Variants in PLXNC1 observed in about 807,000 individuals in gnomAD.
The protein encoded by PLXNC1 is plexin-C1.
In PLXNC1, 75 loss-of-function variants were observed where a neutral mutation model predicts 178.2. The observed-to-expected ratio is 0.42, with a 90% CI of 0.35 to 0.51. The LOEUF is 0.51. Among genes scored for constraint, PLXNC1 ranks in the 20% least tolerant of loss-of-function variants. The probability of loss-of-function intolerance (pLI) is 0.02; values close to 1 mark genes in which losing one functional copy is unlikely to be tolerated. For missense variants in PLXNC1, 1,503 were observed against 1,984.4 expected (o/e 0.76, Z 4.61); for synonymous variants, 790 against 779.9 (o/e 1.01, Z -0.22).
chr12:94,208,516 G>T (rs148498798), intron 4 of PLXNC1, among the ~76,000 whole-genome samples: 3 of 152,130 alleles, frequency 2.0e-5, no homozygotes, highest in African/African-American at 7.2e-5. Flanking sequence ...TCCTCATTCC[G>T]CTCGGATCCC....
chr12:94,228,291 T>C (rs1331288776), intron 9 of PLXNC1, among the ~76,000 whole-genome samples: 3 of 152,224 alleles, frequency 2.0e-5, no homozygotes, highest in Admixed American at 6.5e-5. Flanking sequence ...TCTCATCCCA[T>C]TGGTTTGGAA....
At chr12:94,212,722 C>CTTTTTTTTTT (rs538048142) in intron 5 of PLXNC1, among the ~76,000 whole-genome samples, 5 of 136,166 alleles carry the variant, frequency 3.7e-5, no homozygotes, top group South Asian at 2.3e-4. Context: ...CTTTTCTTTT[C>CTTTTTTTTTT]TTTTTTTTTT....
At chr12:94,164,853 C>T (rs1281893046) in intron 1 of PLXNC1, among the ~76,000 whole-genome samples, 4 of 152,124 alleles carry the variant, frequency 2.6e-5, no homozygotes, top group Non-Finnish European at 5.9e-5. Flanking sequence ...CTCTTAGAGC[C>T]GGCAAACGTG....
chr12:94,268,396 G>A (rs1444058997), intron 21 of PLXNC1, among the ~76,000 whole-genome samples: 1 of 151,994 alleles, frequency 6.6e-6, no homozygotes, highest in Non-Finnish European at 1.5e-5. Context: ...ACTTCCTCCA[G>A]GACCATAAGA....
chr12:94,245,536 A>T (rs1049965107), intron 12 of PLXNC1, among the ~76,000 whole-genome samples: 17 of 152,206 alleles, frequency 1.1e-4, no homozygotes, highest in Non-Finnish European at 2.2e-4. Flanking sequence ...AAATTAAAAA[A>T]GTTGACAGCA....
rs1593038217 is a variant in PLXNC1, at chr12:94,306,453, G to A, written c.*1168G>A. ...AAAGAATTCTCTATCCAGTTATACT[G>A]TAGTCTTTTTAGTGCTGATTTTTTA... On this transcript the variant is annotated 3_prime_UTR_variant, in exon 31 of 31. Coordinates refer to ENST00000258526, the MANE Select transcript of PLXNC1 (RefSeq NM_005761.3). 6.6e-6 allele frequency: 1 copy of A among 152,096 alleles called. No homozygotes were observed. The highest frequency in any genetic ancestry group is 2.4e-5 in the African/African-American group (1 of 41,436). The allele number at this position is 152,096 out of a possible 1,614,324, so 9.4% of individuals were successfully genotyped here.
chr12:94,257,162 C>G (rs959988567), intron 17 of PLXNC1, among the ~76,000 whole-genome samples: 10 of 152,128 alleles, frequency 6.6e-5, no homozygotes, highest in Non-Finnish European at 2.9e-5. Context: ...CAGATAAGTC[C>G]TGGTATTAAT....
At chr12:94,217,880 G>C (rs1384898856) in intron 5 of PLXNC1, among the ~76,000 whole-genome samples, 1 of 152,144 alleles carries the variant, frequency 6.6e-6, no homozygotes, top group Non-Finnish European at 1.5e-5. Flanking sequence ...TCAGTACATT[G>C]TGCAGCACTT....
chr12:94,203,170 T>C (rs1453418879), intron 4 of PLXNC1, among the ~76,000 whole-genome samples: 37 of 152,120 alleles, frequency 2.4e-4, no homozygotes. Flanking sequence ...CACAAAGTTT[T>C]GTAATTTGAT....
intron 20 of PLXNC1, among the ~76,000 whole-genome samples, chr12:94,261,466 C>T (rs751629081): frequency 1.3e-5 from 2 of 152,186 alleles, no homozygotes; most frequent in Non-Finnish European, 2.9e-5. Context: ...GTTTTATAAA[C>T]TAGAGAATTG....
At chr12:94,285,484 T>A (rs1459822357) in intron 23 of PLXNC1, among the ~76,000 whole-genome samples, 2 of 152,168 alleles carry the variant, frequency 1.3e-5, no homozygotes, top group African/African-American at 4.8e-5. Flanking sequence ...GGCTAGCAAC[T>A]TGCCCCGTGC....
chr12:94,240,694 A>C, intron 11 of PLXNC1, 30 bp downstream of exon 11: 1 of 1,542,628 alleles, frequency 6.5e-7, no homozygotes, highest in Non-Finnish European at 8.9e-7. Flanking sequence ...TCTTTTTCTC[A>C]TTGTGGTTAA....
rs1463085031 is a variant in PLXNC1 at position 94,306,454 on chromosome 12, T to A, written c.*1169T>A. On this transcript the variant is annotated 3_prime_UTR_variant, in exon 31 of 31. Coordinates refer to ENST00000258526, the MANE Select transcript of PLXNC1 (RefSeq NM_005761.3). ...AAGAATTCTCTATCCAGTTATACTG[T>A]AGTCTTTTTAGTGCTGATTTTTTAA... 1 of 152,192 alleles carries A rather than the reference T, an allele frequency of 6.6e-6. No individual in the cohort carries two copies. The highest frequency in any genetic ancestry group is 2.4e-5 in the African/African-American group (1 of 41,452). The allele number at this position is 152,192 out of a possible 1,614,324, so 9.4% of individuals were successfully genotyped here. A position where few individuals can be genotyped will look rare whatever the true frequency, so the allele number is the denominator to read the frequency against.
intron 1 of PLXNC1, among the ~76,000 whole-genome samples, chr12:94,157,012 A>G (rs1295872671): frequency 6.6e-6 from 1 of 152,308 alleles, no homozygotes; most frequent in African/African-American, 2.4e-5. Flanking sequence ...CCCACTGTAC[A>G]TCTTAACAGC....
At chr12:94,169,073 G>A (rs1961739025) in intron 1 of PLXNC1, 80 bp from the exon 2 acceptor site, 2 of 1,301,834 alleles carry the variant, frequency 1.5e-6, no homozygotes, top group Admixed American at 4.1e-5. Flanking sequence ...GAGGGCATGA[G>A]TGACATTTCA....
chr12:94,157,490 GT>G (rs1239926201), intron 1 of PLXNC1, among the ~76,000 whole-genome samples: 2 of 152,088 alleles, frequency 1.3e-5, no homozygotes, highest in South Asian at 2.1e-4. Context: ...TTCTTATTAT[GT>G]TTTTTATGAA....
At chr12:94,281,846 T>G (rs1966464360) in intron 22 of PLXNC1, 1 of 162,982 alleles carries the variant, frequency 6.1e-6, no homozygotes, top group South Asian at 1.6e-4. Context: ...TAGGCATAGG[T>G]TAGCAGCCTT....
chr12:94,274,241 G>GGT (rs1384567937), intron 21 of PLXNC1, among the ~76,000 whole-genome samples: 15 of 151,752 alleles, frequency 9.9e-5, no homozygotes, highest in Admixed American at 7.9e-4. Flanking sequence ...GGGAGGCTGA[G>GGT]GTGGGAGGAT....
rs1044730486 is a variant in PLXNC1, at chr12:94,294,395, T to C, written c.3880-91T>C. On this transcript the variant is annotated intron_variant, in intron 23 of 30. Coordinates refer to ENST00000258526, the MANE Select transcript of PLXNC1 (RefSeq NM_005761.3). ...ATATTTGATTTAATAAGTGACAGCA[T>C]GTAAGATCCATCCAGCCATCTAATT... 20 of 638,028 alleles carry C rather than the reference T, an allele frequency of 3.1e-5. No individual in the cohort carries two copies. The African/African-American group carries it at 3.5e-4, about 11-fold the overall frequency. The allele number at this position is 638,028 out of a possible 1,614,324, so 39.5% of individuals were successfully genotyped here.
Sources: gnomAD v4.1 joint callset for allele counts (sites outside exome capture counted in the v4.1 genomes callset) on GRCh38, gnomAD v4.1.1 for gene constraint, MANE v1.5 for transcripts, NCBI Gene and HGNC (gene_info 2026-07-23, HGNC 2026-07-21) for gene names.